NGEF: variants seen among roughly 807,000 people sequenced by gnomAD.
The protein encoded by NGEF is neuronal guanine nucleotide exchange factor.
In NGEF, 31 loss-of-function variants were observed where a neutral mutation model predicts 80.9. The ratio of observed to expected loss-of-function variants is 0.38; its 90% CI spans 0.29 to 0.52. NGEF has a LOEUF of 0.52. Ranked by LOEUF, NGEF falls within the 20% of genes least tolerant of loss-of-function variation. The pLI is 0.84. For missense variants in NGEF, 709 were observed against 926.2 expected, an observed-to-expected ratio of 0.77 and a Z score of 3.04; for synonymous variants, 371 against 370.2, an observed-to-expected ratio of 1.00 and a Z score of -0.03.
At chr2:233,004,738 C>T (rs957479805) in intron 1 of NGEF, among the ~76,000 whole-genome samples, 2 of 152,040 alleles carry the variant, frequency 1.3e-5, no homozygotes, top group African/African-American at 4.8e-5. Flanking sequence ...TGCTCCCTCT[C>T]CCCTCACCCC....
chr2:233,005,173 G>A (rs1695060321), intron 1 of NGEF, among the ~76,000 whole-genome samples: 1 of 152,180 alleles, frequency 6.6e-6, no homozygotes, highest in South Asian at 2.1e-4. Context: ...CCCCCAATGT[G>A]CCATTTCTGG....
At chr2:232,978,288 G>A (rs946097856) in intron 1 of NGEF, among the ~76,000 whole-genome samples, 6 of 152,054 alleles carry the variant, frequency 3.9e-5, no homozygotes, top group African/African-American at 1.4e-4. Context: ...CTGAGGGGGG[G>A]GATCATTTGA....
At chr2:232,970,071 A>ATT in intron 3 of NGEF, 143 bp downstream of exon 3, 11 of 410,422 alleles carry the variant, frequency 2.7e-5, no homozygotes, top group Admixed American at 4.8e-5. Context: ...GTTTTTATTT[A>ATT]TTTATTTTTT....
chr2:232,898,450 T>C (rs1692166860), intron 5 of NGEF, among the ~76,000 whole-genome samples: 1 of 152,204 alleles, frequency 6.6e-6, no homozygotes, highest in Admixed American at 6.5e-5. Context: ...CTGAGGCTCA[T>C]TCCCCAGAAC....
chr2:232,900,048 A>G (rs1427254752), intron 5 of NGEF, among the ~76,000 whole-genome samples: 1 of 138,644 alleles, frequency 7.2e-6, no homozygotes, highest in African/African-American at 2.8e-5. Flanking sequence ...TCACACACAC[A>G]CGCTCTCACA....
chr2:232,892,941 C>T lies in NGEF; in HGVS notation c.1099G>A (p.Val367Ile), dbSNP rs368820247. 9.9e-6 allele frequency: 16 copies of T among 1,613,488 alleles called. No individual in the cohort carries two copies. The highest frequency in any genetic ancestry group is 4.0e-5 in the African/African-American group (3 of 74,944). Residue 367 changes from valine to isoleucine, a missense_variant, in exon 7 of 15, where the codon GTC (valine) becomes ATC (isoleucine). Transcript: ENST00000264051. The surrounding 1 kb of genome is among the most constrained non-coding windows in gnomAD (Gnocchi z 4.0). ...CGCTCCTGGTAGGTCTGATTGCTGA[C>T]GTAGGTGATGTAGACAGAGAAGTGG... The part of the protein sequence containing the change: ...ADHFSVYITY[V>I]SNQTYQERTY...
chr2:232,966,860 G>T (rs893203353), intron 3 of NGEF, among the ~76,000 whole-genome samples: 1 of 152,068 alleles, frequency 6.6e-6, no homozygotes, highest in Non-Finnish European at 1.5e-5. Context: ...TGAGGGTGGG[G>T]GGGGAGGCGG....
intron 1 of NGEF, among the ~76,000 whole-genome samples, chr2:232,998,800 T>C (rs547111298): frequency 6.6e-6 from 1 of 152,262 alleles, no homozygotes; most frequent in East Asian, 1.9e-4. Flanking sequence ...CCTCCCAGCA[T>C]GTCCTAGCAG....
chr2:232,915,536 A>T (rs1342003130), intron 5 of NGEF, among the ~76,000 whole-genome samples: 1 of 152,200 alleles, frequency 6.6e-6, no homozygotes, highest in Non-Finnish European at 1.5e-5. Flanking sequence ...CAGAGCGGGC[A>T]GGGCAGCTCT....
intron 14 of NGEF, among the ~76,000 whole-genome samples, chr2:232,880,267 C>T (rs1187998314): frequency 6.6e-6 from 1 of 152,204 alleles, no homozygotes; most frequent in African/African-American, 2.4e-5. Flanking sequence ...GCTGTTTCTC[C>T]ACCTCTCCCC....
At chr2:232,930,884 C>T (rs1708210391) in intron 3 of NGEF, among the ~76,000 whole-genome samples, 1 of 152,236 alleles carries the variant, frequency 6.6e-6, no homozygotes, top group Non-Finnish European at 1.5e-5. Flanking sequence ...AAAGTTTTAA[C>T]TTGTTCCAGC....
intron 5 of NGEF, among the ~76,000 whole-genome samples, chr2:232,904,986 A>G (rs1692458161): frequency 6.6e-6 from 1 of 152,198 alleles, no homozygotes; most frequent in Non-Finnish European, 1.5e-5. Flanking sequence ...TAATAAGCTG[A>G]GAAAGTCCTA....
At chr2:232,969,463 TTCCTTCCTTCTTCC>T (rs1466988490) in intron 3 of NGEF, among the ~76,000 whole-genome samples, 60 of 90,738 alleles carry the variant, frequency 6.6e-4, no homozygotes, top group African/African-American at 3.5e-3. Context: ...CCTTCCTTCC[TTCCTTCCTTCTTCC>T]TTCCTTCCTT....
intron 5 of NGEF, among the ~76,000 whole-genome samples, chr2:232,907,188 G>GAAAAAA (rs10654316): frequency 8.8e-6 from 1 of 113,158 alleles, no homozygotes; most frequent in Non-Finnish European, 1.7e-5. Flanking sequence ...AGAAAAAAAA[G>GAAAAAA]AAAAAAAAAA....
intron 1 of NGEF, among the ~76,000 whole-genome samples, chr2:233,004,630 C>T (rs745838519): frequency 2.6e-5 from 4 of 152,208 alleles, no homozygotes; most frequent in Non-Finnish European, 4.4e-5. Context: ...TAGTGCATCA[C>T]GTCACACCCA....
intron 1 of NGEF, among the ~76,000 whole-genome samples, chr2:232,982,282 G>A (rs1482671686): frequency 6.6e-6 from 1 of 152,186 alleles, no homozygotes; most frequent in Non-Finnish European, 1.5e-5. Flanking sequence ...CAGGTGGCCA[G>A]GAAGTGTGGC....
At chr2:232,917,063 G>C (rs1472174724) in intron 5 of NGEF, among the ~76,000 whole-genome samples, 1 of 152,200 alleles carries the variant, frequency 6.6e-6, no homozygotes, top group South Asian at 2.1e-4. Context: ...CAAGCCAGTG[G>C]TACCTGTGAT....
intron 5 of NGEF, among the ~76,000 whole-genome samples, chr2:232,915,509 G>A (rs965837471): frequency 6.6e-5 from 10 of 152,144 alleles, no homozygotes; most frequent in Non-Finnish European, 1.3e-4. Context: ...CAGCAGCCAC[G>A]TGTGGCTGGT....
rs1691415337 is a variant in NGEF at position 232,879,437 on chromosome 2, TTC to T, written c.*50_*51del. 9.2e-6 allele frequency: 9 copies of T among 975,926 alleles called. No homozygotes were observed. The Middle Eastern group carries it at 9.6e-4, about 104-fold the overall frequency. 60.5% of individuals were successfully genotyped at this position (975,926 alleles called of 1,614,324 possible). ...TTCCCAGAGCCCCCCCCCCCCCACC[TTC>T]TGTCGGGGTCTCATGCAGGCCCTGC... On this transcript the variant is annotated 3_prime_UTR_variant, in exon 15 of 15. Coordinates refer to ENST00000264051, the MANE Select transcript of NGEF (RefSeq NM_019850.3).
Sources: allele counts gnomAD v4.1 joint callset (sites outside exome capture counted in the v4.1 genomes callset), GRCh38; gene constraint gnomAD v4.1.1; non-coding constraint Gnocchi (gnomAD v3.1); transcripts MANE v1.5; gene names NCBI Gene and HGNC (gene_info 2026-07-23, HGNC 2026-07-21).